Variants in METTL24 observed in about 807,000 individuals in gnomAD.
METTL24 encodes the protein probable methyltransferase-like protein 24.
Under a neutral mutation model 32.7 loss-of-function variants are expected in METTL24, and 29 were observed. That is an observed-to-expected ratio of 0.89 (90% CI 0.66 to 1.21). The LOEUF is 1.21. Among genes scored for constraint, METTL24 ranks in the 50% most tolerant of loss-of-function variants. The pLI is 0.00. For synonymous variants in METTL24, 163 were observed against 179.5 expected, an observed-to-expected ratio of 0.91 and a Z score of 0.73; for missense variants, 439 against 468.1, an observed-to-expected ratio of 0.94 and a Z score of 0.57.
intron 3 of METTL24, among the ~76,000 whole-genome samples, chr6:110,301,714 C>G (rs751773447): frequency 4.6e-5 from 7 of 152,178 alleles, no homozygotes; most frequent in African/African-American, 1.7e-4. Context: ...CAGTAAATAA[C>G]GGTGATTGTT....
At chr6:110,291,820 T>A (rs1771326233) in intron 4 of METTL24, among the ~76,000 whole-genome samples, 1 of 152,216 alleles carries the variant, frequency 6.6e-6, no homozygotes, top group Non-Finnish European at 1.5e-5. Flanking sequence ...CTGTGTTAGT[T>A]TGCTAAGGAT....
At chr6:110,348,545 G>A (rs1280197213) in intron 1 of METTL24, among the ~76,000 whole-genome samples, 1 of 152,220 alleles carries the variant, frequency 6.6e-6, no homozygotes, top group Admixed American at 6.5e-5. Context: ...TTAAGTGATC[G>A]TGCTCTAGTC....
At chr6:110,325,612 TA>T (rs747735792) in intron 1 of METTL24, among the ~76,000 whole-genome samples, 7 of 152,188 alleles carry the variant, frequency 4.6e-5, no homozygotes, top group Non-Finnish European at 1.0e-4. Context: ...TTTGGCATGG[TA>T]TGAACTTTAA....
chr6:110,352,595 T>TC (rs918827274), intron 1 of METTL24, among the ~76,000 whole-genome samples: 1 of 67,872 alleles, frequency 1.5e-5, no homozygotes, highest in African/African-American at 4.1e-5. Flanking sequence ...TTTCATATCT[T>TC]TTTTTTTTTT....
rs766676364 is a variant in METTL24, at chr6:110,315,404, A to G, written c.495T>C (p.Leu165=). The G allele has an allele frequency of 1.9e-6, 3 of 1,614,224 alleles. No homozygotes were observed. Among genetic ancestry groups the G allele is most frequent in the Non-Finnish European group, 1.7e-6 (2 of 1,180,038 alleles). The stretch of plus-strand genomic sequence containing the variant: ...GATGAGCTAAATTGAACCTGTCGTC[A>G]AGACACACTGACCAGGGCTTGTGTG... The part of the protein sequence containing the change: ...SPTHKPWSVC[L]DDRFNLAHQI... Residue 165 remains leucine (L), a synonymous_variant, in exon 3 of 5, where the codon CTT becomes CTC. Transcript: ENST00000338882.
intron 1 of METTL24, among the ~76,000 whole-genome samples, chr6:110,345,843 C>T (rs913002804): frequency 6.6e-6 from 1 of 152,118 alleles, no homozygotes; most frequent in Non-Finnish European, 1.5e-5. Context: ...AGGCTTAGTA[C>T]CTGGTTGTCA....
chr6:110,286,485 G>A (rs1012424962), intron 4 of METTL24, among the ~76,000 whole-genome samples: 4 of 152,184 alleles, frequency 2.6e-5, no homozygotes, highest in Admixed American at 6.5e-5. Context: ...TGTTGATACT[G>A]TTTTGGTTTG....
chr6:110,316,665 G>T (rs1258830367), intron 2 of METTL24, among the ~76,000 whole-genome samples: 2 of 152,210 alleles, frequency 1.3e-5, no homozygotes. Flanking sequence ...GGAGGCCGAG[G>T]CAGGAGGATC....
chr6:110,318,753 T>A (rs1226410972), intron 2 of METTL24, among the ~76,000 whole-genome samples: 2 of 152,138 alleles, frequency 1.3e-5, no homozygotes, highest in African/African-American at 4.8e-5. Context: ...TGATAGACAT[T>A]AGCTTTTGTA....
intron 3 of METTL24, among the ~76,000 whole-genome samples, chr6:110,306,187 A>C (rs1281958775): frequency 6.6e-6 from 1 of 152,090 alleles, no homozygotes; most frequent in Non-Finnish European, 1.5e-5. Context: ...GGATAGCATT[A>C]GGAGAAATAC....
At chr6:110,277,967 T>C (rs1771075494) in intron 4 of METTL24, among the ~76,000 whole-genome samples, 1 of 152,172 alleles carries the variant, frequency 6.6e-6, no homozygotes, top group South Asian at 2.1e-4. Context: ...TGATAAATTT[T>C]CCTCAAATTT....
At chr6:110,274,739 C>T (rs1459140983) in intron 4 of METTL24, among the ~76,000 whole-genome samples, 2 of 150,524 alleles carry the variant, frequency 1.3e-5, no homozygotes, top group Non-Finnish European at 3.0e-5. Flanking sequence ...AGTAAAGGTC[C>T]CTCATGCCCA....
At chr6:110,341,024 T>C (rs1033420046) in intron 1 of METTL24, among the ~76,000 whole-genome samples, 8 of 151,976 alleles carry the variant, frequency 5.3e-5, no homozygotes, top group Admixed American at 1.3e-4. Context: ...TTTTTTTTTT[T>C]CCAAAAAAAT....
chr6:110,324,169 C>T (rs924188630), intron 1 of METTL24, among the ~76,000 whole-genome samples: 36 of 152,132 alleles, frequency 2.4e-4, no homozygotes, highest in Admixed American at 3.3e-4. Flanking sequence ...CTCACTTGGG[C>T]GTCTGAGATC....
At chr6:110,255,187 T>A (rs1778359582) in intron 4 of METTL24, among the ~76,000 whole-genome samples, 1 of 152,162 alleles carries the variant, frequency 6.6e-6, no homozygotes, top group Admixed American at 6.5e-5. Context: ...TATGTAGTAA[T>A]TAGCTCACAA....
chr6:110,253,345 C>T (rs990443927), intron 4 of METTL24, among the ~76,000 whole-genome samples: 2 of 152,114 alleles, frequency 1.3e-5, no homozygotes, highest in South Asian at 2.1e-4. Context: ...AAACTCTGCC[C>T]CACATAAACT....
At chr6:110,337,673 C>A (rs765658113) in intron 1 of METTL24, among the ~76,000 whole-genome samples, 3 of 152,300 alleles carry the variant, frequency 2.0e-5, no homozygotes, top group Admixed American at 6.5e-5. Flanking sequence ...AGTTACAAAA[C>A]AAATCCTGTT....
chr6:110,268,780 C>A (rs920901195), intron 4 of METTL24, among the ~76,000 whole-genome samples: 4 of 152,104 alleles, frequency 2.6e-5, no homozygotes, highest in Admixed American at 2.0e-4. Context: ...AAACTCCATA[C>A]AAATTAATAT....
At chr6:110,270,118 AT>A (rs1049853306) in intron 4 of METTL24, among the ~76,000 whole-genome samples, 1 of 152,188 alleles carries the variant, frequency 6.6e-6, no homozygotes, top group South Asian at 2.1e-4. Flanking sequence ...CATATAATGG[AT>A]TTTTTTGAGT....
Sources: gnomAD v4.1 joint callset for allele counts (sites outside exome capture counted in the v4.1 genomes callset) on GRCh38, gnomAD v4.1.1 for gene constraint, MANE v1.5 for transcripts, NCBI Gene and HGNC (gene_info 2026-07-23, HGNC 2026-07-21) for gene names.